CFHR5: variants seen among roughly 807,000 people sequenced by gnomAD.
CFHR5 encodes complement factor H-related protein 5.
In CFHR5, 73 loss-of-function variants were observed where a neutral mutation model predicts 62.9. The ratio of observed to expected loss-of-function variants is 1.16; its 90% CI spans 0.96 to 1.41. The LOEUF is 1.41. Among genes scored for constraint, CFHR5 ranks in the 40% most tolerant of loss-of-function variants. The pLI, the probability that CFHR5 is intolerant of heterozygous loss-of-function variation, is 0.00. For synonymous variants in CFHR5, 249 were observed against 227.2 expected, an observed-to-expected ratio of 1.10 and a Z score of -0.86; for missense variants, 779 against 679.9, an observed-to-expected ratio of 1.15 and a Z score of -1.62.
At chr1:196,999,736 T>C (rs1357807358) in intron 7 of CFHR5, among the ~76,000 whole-genome samples, 6 of 74,408 alleles carry the variant, frequency 8.1e-5, no homozygotes, top group African/African-American at 2.5e-4. Flanking sequence ...CACACACACA[T>C]ATATATACAC....
In CFHR5 at chr1:196,990,462, G is replaced by A. The variant is rs185171543; in HGVS notation, c.431-3618G>A. Among the ~76,000 whole-genome samples the A allele has an allele frequency of 3.0e-3, 452 of 152,244 alleles. 2 individuals are homozygous for A. The highest frequency in any genetic ancestry group is 0.01 in the African/African-American group (428 of 41,526). ...CGTTAGTTGATGCAGTTTCTACCTAGCATAGATGGTCTTTACAATTTGGCA... is the reference window on the plus strand; with the variant it reads ...CGTTAGTTGATGCAGTTTCTACCTAACATAGATGGTCTTTACAATTTGGCA... On this transcript the variant is annotated intron_variant, in intron 3 of 9. Coordinates refer to ENST00000256785, the MANE Select transcript of CFHR5 (RefSeq NM_030787.4).
chr1:196,991,055 G>T (rs948092556), intron 3 of CFHR5, among the ~76,000 whole-genome samples: 1 of 151,800 alleles, frequency 6.6e-6, no homozygotes, highest in Admixed American at 6.6e-5. Flanking sequence ...CGGAGGCTTT[G>T]TTCATTTCTT....
intron 9 of CFHR5, among the ~76,000 whole-genome samples, chr1:197,005,745 C>T (rs372940526): frequency 1.8e-4 from 28 of 152,144 alleles, no homozygotes; most frequent in Middle Eastern, 3.4e-3. Flanking sequence ...TTGCCCAATA[C>T]CTCACAGGGC....
intron 3 of CFHR5, among the ~76,000 whole-genome samples, chr1:196,985,976 C>T (rs911517201): frequency 6.6e-6 from 1 of 152,188 alleles, no homozygotes; most frequent in South Asian, 2.1e-4. Context: ...TGTTCAAGTT[C>T]TCAGAATATT....
intron 3 of CFHR5, among the ~76,000 whole-genome samples, chr1:196,989,942 A>G (rs1317918173): frequency 2.0e-5 from 3 of 152,090 alleles, no homozygotes; most frequent in Non-Finnish European, 4.4e-5. Context: ...CTTTTGTCTC[A>G]TTAATCTGTC....
chr1:196,993,932 T>C, intron 3 of CFHR5, 148 bp from the exon 4 acceptor site: 1 of 655,254 alleles, frequency 1.5e-6, no homozygotes. Flanking sequence ...TTATTGGGTA[T>C]AAATAATTAG....
intron 7 of CFHR5, among the ~76,000 whole-genome samples, chr1:196,999,722 T>TATATATATATATACACAC (rs1164729053): frequency 6.0e-5 from 7 of 116,152 alleles, no homozygotes; most frequent in African/African-American, 2.4e-4. Context: ...TATATATATA[T>TATATATATATATACACAC]ACACACACAC....
upstream of CFHR5, among the ~76,000 whole-genome samples, chr1:196,976,631 A>G (rs1023484591): frequency 6.6e-6 from 1 of 152,020 alleles, no homozygotes; most frequent in African/African-American, 2.4e-5. Flanking sequence ...GAGACAACCA[A>G]TGGTTACTTT....
intron 1 of CFHR5, 79 bp from the exon 2 acceptor site, chr1:196,982,806 G>C: frequency 7.4e-7 from 1 of 1,343,626 alleles, no homozygotes; most frequent in South Asian, 1.2e-5. Context: ...AACTATAAAT[G>C]AGATGACTAA....
At chr1:196,981,855 AT>A (rs1653550834) in intron 1 of CFHR5, among the ~76,000 whole-genome samples, 1 of 151,994 alleles carries the variant, frequency 6.6e-6, no homozygotes, top group Admixed American at 6.6e-5. Flanking sequence ...GTTATATTGT[AT>A]TTTTAATTGC....
chr1:196,976,462 T>G (rs1057357002), upstream of CFHR5, among the ~76,000 whole-genome samples: 3 of 152,110 alleles, frequency 2.0e-5, no homozygotes, highest in Admixed American at 1.3e-4. Context: ...GAGCTTCCAG[T>G]CCACATAGCC....
chr1:196,979,968 AT>A (rs2125025113), intron 1 of CFHR5, among the ~76,000 whole-genome samples: 1 of 152,098 alleles, frequency 6.6e-6, no homozygotes, highest in African/African-American at 2.4e-5. Context: ...TGTACAAAAT[AT>A]TTTTTCTTTC....
At chr1:197,007,190 G>A (rs762999149) in intron 9 of CFHR5, among the ~76,000 whole-genome samples, 5 of 151,866 alleles carry the variant, frequency 3.3e-5, no homozygotes, top group African/African-American at 7.3e-5. Context: ...ATTTTACACC[G>A]AGAAAACATG....
At chr1:196,977,292 GA>G (rs138249543), upstream of CFHR5, among the ~76,000 whole-genome samples, 52,092 of 140,988 alleles carry the variant, frequency 0.37, 10,228 homozygotes, top group East Asian at 0.7. Flanking sequence ...CCCTTGGCTA[GA>G]AAAAAAAAAA....
chr1:196,978,116 T>G (rs1653445516), intron 1 of CFHR5, among the ~76,000 whole-genome samples: 1 of 152,140 alleles, frequency 6.6e-6, no homozygotes, highest in Non-Finnish European at 1.5e-5. Flanking sequence ...GAATTTTATT[T>G]TCATAGATTT....
chr1:196,979,769 T>A (rs1653490138), intron 1 of CFHR5, among the ~76,000 whole-genome samples: 1 of 151,934 alleles, frequency 6.6e-6, no homozygotes, highest in Non-Finnish European at 1.5e-5. Context: ...GAGCAGGTGG[T>A]TTTTGGTTAC....
At chr1:197,003,226 C>T (rs1158724435) in intron 8 of CFHR5, among the ~76,000 whole-genome samples, 2 of 152,098 alleles carry the variant, frequency 1.3e-5, no homozygotes, top group African/African-American at 4.8e-5. Context: ...GAATCTAGTG[C>T]CCTGGTTGAT....
chr1:196,995,676 A>G (rs1216378232), intron 4 of CFHR5, 41 bp from the exon 5 acceptor site: 1 of 1,550,540 alleles, frequency 6.4e-7, no homozygotes, highest in Non-Finnish European at 8.9e-7. Context: ...TTCTATACTT[A>G]TAAGACCATT....
In CFHR5 at chr1:196,977,671, C is replaced by T. The variant is rs1379926072; in HGVS notation, c.7C>T (p.Leu3Phe). ...ACGATTGAGACTACCAAGCATGTTG[C>T]TCTTATTCAGTGTAATCCTAATCTC... The part of the protein sequence containing the change: ML[L>F]LFSVILISWV... The change falls in exon 1 of 10, where the codon CTC (leucine) becomes TTC (phenylalanine). Residue 3 changes from leucine (L) to phenylalanine (F), a missense_variant. By Grantham distance (22) the Leu-to-Phe change is conservative (BLOSUM62 0). Coordinates refer to ENST00000256785, the MANE Select transcript of CFHR5 (RefSeq NM_030787.4). 1.2e-6 allele frequency: 2 copies of T among 1,612,376 alleles called. No homozygotes were observed. The highest frequency in any genetic ancestry group is 2.2e-5 in the East Asian group (1 of 44,802).
Sources: allele counts gnomAD v4.1 joint callset (sites outside exome capture counted in the v4.1 genomes callset), GRCh38; gene constraint gnomAD v4.1.1; transcripts MANE v1.5; gene names NCBI Gene and HGNC (gene_info 2026-07-23, HGNC 2026-07-21).